The following AXDND1 variants were observed in gnomAD, a reference collection of about 807,000 sequenced individuals.
The protein encoded by AXDND1 is axonemal dynein light chain domain containing 1, also known as axonemal dynein light chain domain-containing protein 1.
AXDND1 carries 110 observed loss-of-function variants against 137.5 expected under a neutral mutation model. That is an observed-to-expected ratio of 0.80 (90% CI 0.69 to 0.94). The LOEUF is 0.94. Among genes scored for constraint, AXDND1 ranks in the 40% least tolerant of loss-of-function variants. AXDND1 has a pLI of 0.00. For missense variants in AXDND1, 1,191 were observed against 1,169.8 expected, an observed-to-expected ratio of 1.02 and a Z score of -0.26; for synonymous variants, 414 against 399.7, an observed-to-expected ratio of 1.04 and a Z score of -0.43.
chr1:179,519,948 A>G (rs887227865), intron 21 of AXDND1, among the ~76,000 whole-genome samples: 18 of 152,206 alleles, frequency 1.2e-4, no homozygotes, highest in African/African-American at 4.3e-4. Flanking sequence ...TTTGATAGGA[A>G]TAGCATTGAA....
At chr1:179,516,906 A>G (rs1330691765) in intron 21 of AXDND1, among the ~76,000 whole-genome samples, 6 of 152,058 alleles carry the variant, frequency 3.9e-5, no homozygotes, top group African/African-American at 1.4e-4. Flanking sequence ...TGGTGGTTTA[A>G]TGTTCTGTTT....
At chr1:179,471,462 T>A (rs2125493252) in intron 17 of AXDND1, among the ~76,000 whole-genome samples, 1 of 152,322 alleles carries the variant, frequency 6.6e-6, no homozygotes, top group African/African-American at 2.4e-5. Flanking sequence ...AATTTGACAA[T>A]TTCATCCAAG....
At chr1:179,396,786 T>C (rs1651148004) in intron 11 of AXDND1, among the ~76,000 whole-genome samples, 1 of 152,236 alleles carries the variant, frequency 6.6e-6, no homozygotes, top group African/African-American at 2.4e-5. Context: ...TATGTATTAA[T>C]GTATAATTTA....
At chr1:179,455,187 A>G (rs1192402955) in intron 16 of AXDND1, 47 of 151,174 alleles carry the variant, frequency 3.1e-4, no homozygotes, top group African/African-American at 1.0e-3. Flanking sequence ...AGGCGGGAGA[A>G]TCGCTTGAAC....
intron 11 of AXDND1, among the ~76,000 whole-genome samples, chr1:179,397,785 A>G (rs1651304171): frequency 6.6e-6 from 1 of 152,132 alleles, no homozygotes; most frequent in Non-Finnish European, 1.5e-5. Context: ...TCTGCTATTA[A>G]TACTTGTAAT....
chr1:179,432,440 T>C (rs896479647), intron 15 of AXDND1, 98 bp downstream of exon 15: 36 of 1,368,306 alleles, frequency 2.6e-5, no homozygotes, highest in Middle Eastern at 1.9e-4. Context: ...TTTTTTTTTT[T>C]TGGGACGTTG....
chr1:179,374,477 A>G (rs1278359888), intron 4 of AXDND1, among the ~76,000 whole-genome samples: 1 of 152,232 alleles, frequency 6.6e-6, no homozygotes, highest in Non-Finnish European at 1.5e-5. Context: ...ATTACTGAGT[A>G]TATACCCAAA....
chr1:179,389,236 G>A (rs1212655254), intron 9 of AXDND1, among the ~76,000 whole-genome samples: 3 of 151,986 alleles, frequency 2.0e-5, no homozygotes, highest in African/African-American at 7.3e-5. Context: ...GCCCCACAAA[G>A]TGCTGGGACT....
At chr1:179,430,399 A>G in intron 13 of AXDND1, 53 bp from the exon 14 acceptor site, 1 of 1,346,920 alleles carries the variant, frequency 7.4e-7, no homozygotes, top group South Asian at 1.5e-5. Flanking sequence ...GTTAATGACT[A>G]TTTGTTATAT....
intron 21 of AXDND1, among the ~76,000 whole-genome samples, chr1:179,514,397 T>C (rs116660688): frequency 0.024 from 3,704 of 152,188 alleles, 161 homozygotes; most frequent in African/African-American, 0.084. Context: ...CCTTTTGGAG[T>C]TGATTTCCAA....
intron 2 of AXDND1, 102 bp from the exon 3 acceptor site, chr1:179,368,696 TTC>T: frequency 1.1e-6 from 1 of 886,146 alleles, no homozygotes; most frequent in Non-Finnish European, 1.7e-6. Context: ...GAAGCAATGT[TTC>T]TCTCTGTTAG....
chr1:179,551,487 T>G, intron 25 of AXDND1: 1 of 1,611,680 alleles, frequency 6.2e-7, no homozygotes, highest in East Asian at 2.2e-5. Context: ...GTGATTGTTC[T>G]TCATTCCCTG....
intron 12 of AXDND1, among the ~76,000 whole-genome samples, chr1:179,421,033 ATCCCTTCC>A (rs1655599995): frequency 1.4e-5 from 2 of 141,346 alleles, no homozygotes; most frequent in South Asian, 4.5e-4. Flanking sequence ...CTATTTGGGT[ATCCCTTCC>A]TTCCTTCCTT....
chr1:179,369,598 G>C (rs763532026), intron 3 of AXDND1, among the ~76,000 whole-genome samples: 1 of 152,034 alleles, frequency 6.6e-6, no homozygotes, highest in East Asian at 1.9e-4. Flanking sequence ...GTTGCAGTGA[G>C]CCGAGATTGC....
intron 16 of AXDND1, chr1:179,449,242 G>A (rs1660180276): frequency 5.0e-6 from 2 of 398,912 alleles, no homozygotes; most frequent in Non-Finnish European, 1.0e-5. Context: ...TCTTTTGCAT[G>A]TGGATGTTCA....
chr1:179,397,461 C>G lies in AXDND1; in HGVS notation c.1109+2259C>G, dbSNP rs148656568. Among the ~76,000 whole-genome samples, 953 of 152,066 alleles carry G rather than the reference C, an allele frequency of 6.3e-3. 10 individuals are homozygous for G. Among genetic ancestry groups the G allele is most frequent in the African/African-American group, 0.022 (910 of 41,484 alleles). ...TTTTGAGAATCTGATGATTATGTGCCTTGAGGATGATCTTCTTGTGAAGTA... is the reference window on the plus strand; with the variant it reads ...TTTTGAGAATCTGATGATTATGTGCGTTGAGGATGATCTTCTTGTGAAGTA... On this transcript the variant is annotated intron_variant, in intron 11 of 25. Transcript: ENST00000367618.
intron 20 of AXDND1, among the ~76,000 whole-genome samples, chr1:179,494,546 T>TA (rs1667256873): frequency 6.6e-6 from 1 of 151,994 alleles, no homozygotes; most frequent in Non-Finnish European, 1.5e-5. Flanking sequence ...TTTGTCTTTT[T>TA]TTTTTTTTCC....
chr1:179,424,250 C>T (rs550534006), intron 12 of AXDND1, among the ~76,000 whole-genome samples: 227 of 152,018 alleles, frequency 1.5e-3, no homozygotes, highest in Middle Eastern at 3.4e-3. Context: ...AGCTCCTTAA[C>T]ATGTTATTTG....
chr1:179,515,728 A>G (rs528493790), intron 21 of AXDND1, among the ~76,000 whole-genome samples: 50 of 152,124 alleles, frequency 3.3e-4, no homozygotes, highest in South Asian at 3.1e-3. Flanking sequence ...TTTTTAATCC[A>G]CAAAAAAATT....
Sources: gnomAD v4.1 joint callset for allele counts (sites outside exome capture counted in the v4.1 genomes callset) on GRCh38, gnomAD v4.1.1 for gene constraint, MANE v1.5 for transcripts, NCBI Gene and HGNC (gene_info 2026-07-23, HGNC 2026-07-21) for gene names.